Variants in NPAS3 observed in about 807,000 individuals in gnomAD.
The protein encoded by NPAS3 is neuronal PAS domain-containing protein 3.
A neutral mutation model predicts 73.1 loss-of-function variants in NPAS3; 14 were observed. The observed-to-expected ratio is 0.19, with a 90% CI of 0.13 to 0.30. The LOEUF (loss-of-function observed/expected upper bound fraction) is 0.30, where lower values mean the gene tolerates loss of function less well. Ranked by LOEUF, NPAS3 falls within the 10% of genes least tolerant of loss-of-function variation. The pLI, the probability that NPAS3 is intolerant of heterozygous loss-of-function variation, is 1.00. For synonymous variants in NPAS3, 620 were observed against 541.5 expected, an observed-to-expected ratio of 1.14 and a Z score of -2.01; for missense variants, 1,096 against 1,250.0, an observed-to-expected ratio of 0.88 and a Z score of 1.86.
intron 5 of NPAS3, among the ~76,000 whole-genome samples, chr14:33,659,754 G>T (rs1352725276): frequency 6.6e-6 from 1 of 152,040 alleles, no homozygotes; most frequent in Non-Finnish European, 1.5e-5. Context: ...AGTAGCATTA[G>T]AGTGATAATG....
At chr14:33,785,536 C>G (rs567410956) in intron 9 of NPAS3, among the ~76,000 whole-genome samples, 1 of 151,896 alleles carries the variant, frequency 6.6e-6, no homozygotes, top group Non-Finnish European at 1.5e-5. Context: ...ATAATGGCAT[C>G]GTGTTCTCAA....
At chr14:33,521,183 G>C (rs944172538) in intron 4 of NPAS3, among the ~76,000 whole-genome samples, 5 of 152,090 alleles carry the variant, frequency 3.3e-5, no homozygotes, top group Non-Finnish European at 7.4e-5. Flanking sequence ...GAGATCTGCA[G>C]GGCACTTAAC....
intron 5 of NPAS3, among the ~76,000 whole-genome samples, chr14:33,647,846 T>C (rs563339616): frequency 6.6e-6 from 1 of 152,310 alleles, no homozygotes; most frequent in African/African-American, 2.4e-5. Flanking sequence ...AGAGCTCATA[T>C]ACTCAGATAA....
chr14:33,782,324 G>T (rs1018469160), intron 9 of NPAS3, among the ~76,000 whole-genome samples: 1 of 152,236 alleles, frequency 6.6e-6, no homozygotes, highest in African/African-American at 2.4e-5. Context: ...AGTTACTTAT[G>T]GTGTCTGTGT....
At chr14:33,111,506 T>A (rs949744486) in intron 2 of NPAS3, among the ~76,000 whole-genome samples, 2 of 152,128 alleles carry the variant, frequency 1.3e-5, no homozygotes, top group South Asian at 2.1e-4. Context: ...ATAATTTATA[T>A]CCCCAGGAAC....
intron 2 of NPAS3, among the ~76,000 whole-genome samples, chr14:33,204,225 G>T (rs902839077): frequency 6.6e-6 from 1 of 152,130 alleles, no homozygotes; most frequent in African/African-American, 2.4e-5. Context: ...ACGTTTCTGT[G>T]TGAAATATCA....
intron 1 of NPAS3, among the ~76,000 whole-genome samples, chr14:32,986,072 C>A (rs968725362): frequency 1.3e-5 from 2 of 152,198 alleles, no homozygotes; most frequent in African/African-American, 4.8e-5. Context: ...CAGGAGAACA[C>A]TGTGTGCCTC....
intron 9 of NPAS3, among the ~76,000 whole-genome samples, chr14:33,792,581 CA>C (rs199708187): frequency 0.21 from 26,100 of 125,464 alleles, 2,064 homozygotes; most frequent in Middle Eastern, 0.25. Context: ...CACCCCCCTC[CA>C]AAAAAAAAAA....
intron 2 of NPAS3, among the ~76,000 whole-genome samples, chr14:33,163,250 G>A (rs1244976347): frequency 6.6e-6 from 1 of 152,132 alleles, no homozygotes; most frequent in Non-Finnish European, 1.5e-5. Flanking sequence ...GTCCATTGAC[G>A]ACCCTCTGAG....
intron 4 of NPAS3, among the ~76,000 whole-genome samples, chr14:33,425,524 CCT>C (rs2048519318): frequency 6.8e-6 from 1 of 147,676 alleles, no homozygotes; most frequent in Admixed American, 6.8e-5. Flanking sequence ...CCAGATTCTC[CCT>C]GTTTCCACTC....
At chr14:33,750,905 G>C (rs965007011) in intron 7 of NPAS3, among the ~76,000 whole-genome samples, 3 of 152,200 alleles carry the variant, frequency 2.0e-5, no homozygotes, top group African/African-American at 7.2e-5. Context: ...GGTATAAAAG[G>C]AGAGGATCTC....
At chr14:33,501,449 A>G (rs1406698305) in intron 4 of NPAS3, among the ~76,000 whole-genome samples, 2 of 151,920 alleles carry the variant, frequency 1.3e-5, no homozygotes, top group Non-Finnish European at 2.9e-5. Context: ...ATTTATTTTT[A>G]TGTAATAATA....
At chr14:33,340,452 G>A (rs990595644) in intron 3 of NPAS3, among the ~76,000 whole-genome samples, 1 of 152,162 alleles carries the variant, frequency 6.6e-6, no homozygotes, top group Non-Finnish European at 1.5e-5. Flanking sequence ...CCGAGATCGT[G>A]CCACTGCACT....
intron 5 of NPAS3, among the ~76,000 whole-genome samples, chr14:33,636,386 T>C (rs915659126): frequency 6.6e-6 from 1 of 152,216 alleles, no homozygotes; most frequent in African/African-American, 2.4e-5. Flanking sequence ...CTCCAGTCTA[T>C]GTATCAATAA....
chr14:33,433,065 A>G (rs748179222), intron 4 of NPAS3, among the ~76,000 whole-genome samples: 1 of 152,170 alleles, frequency 6.6e-6, no homozygotes, highest in Non-Finnish European at 1.5e-5. Flanking sequence ...TATTTGTTCA[A>G]TGTCATCAAG....
chr14:33,217,357 T>C (rs1350070668), intron 3 of NPAS3, among the ~76,000 whole-genome samples: 1 of 152,142 alleles, frequency 6.6e-6, no homozygotes, highest in Non-Finnish European at 1.5e-5. Flanking sequence ...AAGCTAAAGA[T>C]GTAAATATAA....
At chr14:32,979,368 G>C (rs1391306626) in intron 1 of NPAS3, among the ~76,000 whole-genome samples, 1 of 152,088 alleles carries the variant, frequency 6.6e-6, no homozygotes, top group African/African-American at 2.4e-5. Flanking sequence ...CAGTTACTTA[G>C]TGTGTATTCT....
intron 4 of NPAS3, among the ~76,000 whole-genome samples, chr14:33,524,036 ATACC>A (rs1384004055): frequency 6.6e-6 from 1 of 152,168 alleles, no homozygotes; most frequent in Non-Finnish European, 1.5e-5. Flanking sequence ...CTTTAATCAA[ATACC>A]TACTCTGATT....
chr14:33,331,750 G>T (rs1160393141), intron 3 of NPAS3, among the ~76,000 whole-genome samples: 1 of 152,140 alleles, frequency 6.6e-6, no homozygotes, highest in Non-Finnish European at 1.5e-5. Flanking sequence ...TGAACATGAT[G>T]ACATCATTTT....
Sources: gnomAD v4.1 joint callset for allele counts (sites outside exome capture counted in the v4.1 genomes callset) on GRCh38, gnomAD v4.1.1 for gene constraint, MANE v1.5 for transcripts, NCBI Gene and HGNC (gene_info 2026-07-23, HGNC 2026-07-21) for gene names.